The following KLHL7 variants were observed in gnomAD, a reference collection of about 807,000 sequenced individuals.
KLHL7 encodes kelch-like protein 7.
KLHL7 carries 44 observed loss-of-function variants against 67.4 expected under a neutral mutation model. That is an observed-to-expected ratio of 0.65 (90% CI 0.51 to 0.84). The LOEUF (loss-of-function observed/expected upper bound fraction) is 0.84, where lower values mean the gene tolerates loss of function less well. KLHL7 is among the 40% of genes least tolerant of loss of function. The probability of loss-of-function intolerance (pLI) is 0.00; values close to 1 mark genes in which losing one functional copy is unlikely to be tolerated. For synonymous variants in KLHL7, 252 were observed against 243.3 expected (o/e 1.04, Z -0.33); for missense variants, 362 against 718.1 (o/e 0.50, Z 5.67).
chr7:23,140,369 A>G (rs1484357054), intron 4 of KLHL7, among the ~76,000 whole-genome samples: 1 of 152,184 alleles, frequency 6.6e-6, no homozygotes, highest in Non-Finnish European at 1.5e-5. Flanking sequence ...CCTGGCTAAC[A>G]CGGTGAAACC....
At chr7:23,120,024 T>A (rs947866040) in intron 1 of KLHL7, among the ~76,000 whole-genome samples, 4 of 152,172 alleles carry the variant, frequency 2.6e-5, no homozygotes, top group African/African-American at 7.2e-5. Flanking sequence ...TTATTTATTT[T>A]ATTTTATTTT....
intron 8 of KLHL7, among the ~76,000 whole-genome samples, chr7:23,166,327 T>C (rs1459930889): frequency 1.3e-5 from 2 of 152,198 alleles, no homozygotes; most frequent in Admixed American, 1.3e-4. Flanking sequence ...ATTTGCTTTC[T>C]TTTTATTAGA....
At chr7:23,172,044 A>G (rs1016917581) in intron 9 of KLHL7, 2 of 410,044 alleles carry the variant, frequency 4.9e-6, no homozygotes, top group Non-Finnish European at 9.6e-6. Flanking sequence ...GATATAAACA[A>G]TAATTATAGA....
chr7:23,161,979 T>A (rs1160716673), intron 7 of KLHL7, among the ~76,000 whole-genome samples: 1 of 152,190 alleles, frequency 6.6e-6, no homozygotes, highest in Non-Finnish European at 1.5e-5. Flanking sequence ...GATACGGAGA[T>A]TGTGCAGGAC....
chr7:23,167,728 G>A (rs531388650), intron 8 of KLHL7, 108 bp from the exon 9 acceptor site: 67 of 926,410 alleles, frequency 7.2e-5, no homozygotes, highest in Admixed American at 2.6e-4. Flanking sequence ...GAAAATGGCC[G>A]TATGACCCTA....
At position 23,105,796 on chromosome 7, in the gene KLHL7, G is replaced by A. The variant is rs556626844; in HGVS notation, c.-231G>A. The A allele has an allele frequency of 1.7e-6, 1 of 576,590 alleles. No homozygotes were observed. Among genetic ancestry groups the A allele is most frequent in the South Asian group, 1.9e-5 (1 of 52,886 alleles). 35.7% of individuals were successfully genotyped at this position (576,590 alleles called of 1,614,324 possible). A position where few individuals can be genotyped will look rare whatever the true frequency, so the allele number is the denominator to read the frequency against. ...CCTGGGCAGGGCTCGGGTTCTGCCC[G>A]GGGACGCAGCCCAGTTGGTAGCGTC... is the stretch of plus-strand genomic sequence containing the variant. On this transcript the variant is annotated 5_prime_UTR_variant, in exon 1 of 11. Coordinates refer to ENST00000339077, the MANE Select transcript of KLHL7 (RefSeq NM_001031710.3).
At chr7:23,127,578 G>A (rs1444913580) in intron 4 of KLHL7, among the ~76,000 whole-genome samples, 1 of 152,120 alleles carries the variant, frequency 6.6e-6, no homozygotes, top group Non-Finnish European at 1.5e-5. Context: ...TGCCCAGAAA[G>A]AGTCCATCAA....
chr7:23,129,875 A>G, intron 4 of KLHL7: 1 of 153,918 alleles, frequency 6.5e-6, no homozygotes, highest in Non-Finnish European at 1.5e-5. Flanking sequence ...GATGAGCAGA[A>G]CCTCCTTGTC....
intron 1 of KLHL7, among the ~76,000 whole-genome samples, chr7:23,114,679 T>C (rs1562550706): frequency 1.3e-5 from 2 of 152,216 alleles, no homozygotes. Context: ...TTTTGTATCA[T>C]CCGAATACCA....
intron 4 of KLHL7, among the ~76,000 whole-genome samples, chr7:23,138,461 TAA>T (rs60497553): frequency 1.3e-3 from 81 of 63,240 alleles, no homozygotes; most frequent in African/African-American, 4.9e-3. Flanking sequence ...GACTCCATCT[TAA>T]AAAAAAAAAA....
At position 23,140,692 on chromosome 7, in the gene KLHL7, G is replaced by C. The variant is rs973644913; in HGVS notation, c.443-77G>C. The stretch of plus-strand genomic sequence containing the variant: ...AATTTACTCAACTAATTTTCCTGAA[G>C]TCATGCTTCATCTTGAATGTATACT... On this transcript the variant is annotated intron_variant, in intron 4 of 10. Coordinates refer to ENST00000339077, the MANE Select transcript of KLHL7 (RefSeq NM_001031710.3). The C allele has an allele frequency of 4.1e-6, 5 of 1,219,000 alleles. No individual in the cohort carries two copies. The African/African-American group carries it at 6.0e-5, about 15-fold the overall frequency. The allele number at this position is 1,219,000 out of a possible 1,614,324, so 75.5% of individuals were successfully genotyped here. A position where few individuals can be genotyped will look rare whatever the true frequency, so the allele number is the denominator to read the frequency against.
intron 9 of KLHL7, among the ~76,000 whole-genome samples, chr7:23,169,310 A>C (rs1482970030): frequency 1.3e-5 from 2 of 152,200 alleles, no homozygotes; most frequent in Admixed American, 6.5e-5. Context: ...AATATGATTA[A>C]TTATGTGCAT....
At chr7:23,159,663 T>C (rs1002844375) in intron 7 of KLHL7, among the ~76,000 whole-genome samples, 1 of 152,056 alleles carries the variant, frequency 6.6e-6, no homozygotes, top group Non-Finnish European at 1.5e-5. Context: ...TCCTGAGTAG[T>C]TGGAACTACA....
intron 4 of KLHL7, among the ~76,000 whole-genome samples, chr7:23,135,691 C>T (rs983352201): frequency 6.6e-6 from 1 of 152,202 alleles, no homozygotes; most frequent in Admixed American, 6.5e-5. Context: ...TGGTCCTTCA[C>T]AGGGCCTACT....
intron 7 of KLHL7, among the ~76,000 whole-genome samples, chr7:23,162,161 T>C (rs1220789750): frequency 1.8e-4 from 28 of 152,178 alleles, no homozygotes; most frequent in Admixed American, 1.8e-3. Flanking sequence ...GAAAGACTTT[T>C]AGAGAAGCAG....
At chr7:23,173,165 T>C in intron 10 of KLHL7, 120 bp downstream of exon 10, 1 of 682,328 alleles carries the variant, frequency 1.5e-6, no homozygotes. Flanking sequence ...ATTATATCTA[T>C]TTTTATAGTT....
chr7:23,145,077 G>A (rs990650379), intron 6 of KLHL7, among the ~76,000 whole-genome samples: 12 of 152,026 alleles, frequency 7.9e-5, no homozygotes, highest in African/African-American at 2.9e-4. Flanking sequence ...CTACAGCCTG[G>A]GCAACAGAGT....
At chr7:23,149,500 A>G (rs1387859188) in intron 6 of KLHL7, among the ~76,000 whole-genome samples, 1 of 152,202 alleles carries the variant, frequency 6.6e-6, no homozygotes, top group Non-Finnish European at 1.5e-5. Context: ...GCCTGTGTGG[A>G]ACCATCCTAG....
At chr7:23,172,878 G>T in intron 9 of KLHL7, 70 bp from the exon 10 acceptor site, 1 of 1,068,620 alleles carries the variant, frequency 9.4e-7, no homozygotes, top group South Asian at 1.3e-5. Flanking sequence ...TAGAATAATA[G>T]ACCTTTCTCA....
Sources: allele counts gnomAD v4.1 joint callset (sites outside exome capture counted in the v4.1 genomes callset), GRCh38; gene constraint gnomAD v4.1.1; transcripts MANE v1.5; gene names NCBI Gene and HGNC (gene_info 2026-07-23, HGNC 2026-07-21).